Variants in SLF1 observed in about 807,000 individuals in gnomAD.
SLF1 encodes SMC5/6 complex localization factor 1.
A neutral mutation model predicts 123.0 loss-of-function variants in SLF1; 105 were observed. The ratio of observed to expected loss-of-function variants is 0.85; its 90% CI spans 0.73 to 1.00. The LOEUF is 1.00. Ranked by LOEUF, SLF1 falls within the 50% of genes least tolerant of loss-of-function variation. The pLI is 0.00. For synonymous variants in SLF1, 434 were observed against 406.6 expected, an observed-to-expected ratio of 1.07 and a Z score of -0.81; for missense variants, 1,239 against 1,223.0, an observed-to-expected ratio of 1.01 and a Z score of -0.20.
At chr5:94,679,501 A>T (rs1751510121) in intron 15 of SLF1, among the ~76,000 whole-genome samples, 1 of 152,024 alleles carries the variant, frequency 6.6e-6, no homozygotes, top group African/African-American at 2.4e-5. Context: ...CTGCAGTGGG[A>T]GGATCCCTTG....
intron 1 of SLF1, among the ~76,000 whole-genome samples, chr5:94,625,679 G>A (rs977977079): frequency 1.3e-5 from 2 of 151,906 alleles, no homozygotes; most frequent in Non-Finnish European, 2.9e-5. Flanking sequence ...CACCATGCCC[G>A]GCCAAGACCT....
intron 15 of SLF1, among the ~76,000 whole-genome samples, chr5:94,686,066 G>C (rs530754398): frequency 6.6e-6 from 1 of 151,612 alleles, no homozygotes; most frequent in Non-Finnish European, 1.5e-5. Flanking sequence ...TTTACCTTGT[G>C]CCTTTCCTCC....
intron 9 of SLF1, 108 bp downstream of exon 9, chr5:94,654,860 T>C: frequency 2.4e-6 from 2 of 829,644 alleles, no homozygotes; most frequent in Non-Finnish European, 3.2e-6. Flanking sequence ...GTATGTTTAA[T>C]ATGTCTTAAA....
chr5:94,688,754 G>T (rs1752735867), intron 17 of SLF1, 85 bp downstream of exon 17: 1 of 1,452,056 alleles, frequency 6.9e-7, no homozygotes, highest in Admixed American at 1.9e-5. Flanking sequence ...ATGGTTATCT[G>T]TGATACTGTC....
chr5:94,662,458 A>G, intron 10 of SLF1, 107 bp downstream of exon 10: 1 of 856,512 alleles, frequency 1.2e-6, no homozygotes, highest in South Asian at 2.9e-5. Flanking sequence ...AATAAAAGGT[A>G]ACGTATTATA....
intron 11 of SLF1, 113 bp from the exon 12 acceptor site, chr5:94,665,748 G>A (rs748976609): frequency 1.0e-5 from 10 of 971,056 alleles, no homozygotes; most frequent in Admixed American, 8.0e-5. Context: ...GCCAGACTCC[G>A]TCTCAAAAAA....
chr5:94,634,584 A>G (rs1473310956), intron 4 of SLF1, among the ~76,000 whole-genome samples: 2 of 152,120 alleles, frequency 1.3e-5, no homozygotes, highest in East Asian at 3.8e-4. Context: ...ATTGATGTAC[A>G]CTTTAGGTTG....
At chr5:94,635,043 T>C (rs537010310) in intron 4 of SLF1, among the ~76,000 whole-genome samples, 1 of 152,206 alleles carries the variant, frequency 6.6e-6, no homozygotes, top group East Asian at 1.9e-4. Flanking sequence ...TTTAGTTTTA[T>C]GTAACCTCAC....
intron 9 of SLF1, among the ~76,000 whole-genome samples, chr5:94,655,920 A>G (rs1005578326): frequency 6.6e-6 from 1 of 151,930 alleles, no homozygotes; most frequent in Non-Finnish European, 1.5e-5. Flanking sequence ...TACTTTTCCA[A>G]TTTGGATGCC....
intron 5 of SLF1, among the ~76,000 whole-genome samples, chr5:94,643,986 A>G (rs1169582782): frequency 1.3e-5 from 2 of 152,170 alleles, no homozygotes; most frequent in African/African-American, 2.4e-5. Context: ...CCCATCTCGT[A>G]GATACCATTA....
At chr5:94,626,999 G>A (rs1222582112) in intron 1 of SLF1, among the ~76,000 whole-genome samples, 2 of 152,092 alleles carry the variant, frequency 1.3e-5, no homozygotes, top group Admixed American at 1.3e-4. Context: ...AGATTATATT[G>A]AGACTTTCTT....
Position 94,651,405 on chromosome 5 carries a change from T to C in SLF1, c.739-297T>C, listed in dbSNP as rs76093202. Among the ~76,000 whole-genome samples, 588 of 152,330 alleles carry C rather than the reference T, an allele frequency of 3.9e-3. 3 individuals carry two copies. Among genetic ancestry groups the C allele is most frequent in the African/African-American group, 0.014 (568 of 41,578 alleles). On this transcript the variant is annotated intron_variant, in intron 6 of 20. Coordinates refer to ENST00000265140, the MANE Select transcript of SLF1 (RefSeq NM_032290.4). ...AAGTAGAAATATCCTTTTTTAAAAATAGCTATTTTGGTATAATGATTAAAC... is the reference window on the plus strand; with the variant it reads ...AAGTAGAAATATCCTTTTTTAAAAACAGCTATTTTGGTATAATGATTAAAC...
chr5:94,683,882 A>C (rs1487307020), intron 15 of SLF1, among the ~76,000 whole-genome samples: 1 of 152,218 alleles, frequency 6.6e-6, no homozygotes, highest in Non-Finnish European at 1.5e-5. Flanking sequence ...CAAATACTAA[A>C]TGTTTACTCT....
Position 94,653,339 on chromosome 5 carries a change from G to C in SLF1, c.950G>C (p.Gly317Ala). ...SYTLRRKRKK[G>A]KESNCKKGVE... ...ACTTTGAGGAGAAAACGCAAGAAAG[G>C]AAAAGAAAGCAATTGCAAGAAAGGC... The change falls in exon 8 of 21, where the codon GGA (glycine) becomes GCA (alanine). Residue 317 changes from glycine (G) to alanine (A), a missense_variant. Gly to Ala is a moderately conservative substitution (Grantham distance 60). Coordinates refer to ENST00000265140, the MANE Select transcript of SLF1 (RefSeq NM_032290.4). The C allele has an allele frequency of 6.6e-7, 1 of 1,525,822 alleles. No individual in the cohort carries two copies. Among genetic ancestry groups the C allele is most frequent in the Non-Finnish European group, 8.8e-7 (1 of 1,139,152 alleles). The allele number at this position is 1,525,822 out of a possible 1,614,324, so 94.5% of individuals were successfully genotyped here. A position where few individuals can be genotyped will look rare whatever the true frequency, so the allele number is the denominator to read the frequency against.
At chr5:94,673,163 C>G (rs901590417) in intron 14 of SLF1, among the ~76,000 whole-genome samples, 1 of 148,070 alleles carries the variant, frequency 6.8e-6, no homozygotes, top group Non-Finnish European at 1.5e-5. Context: ...TTTTTTTAAT[C>G]TTTTCTTCCC....
chr5:94,651,885 A>G (rs1747764901), intron 7 of SLF1, 40 bp downstream of exon 7: 2 of 1,070,232 alleles, frequency 1.9e-6, no homozygotes, highest in Non-Finnish European at 2.5e-6. Context: ...TTTTTAATAT[A>G]TATAGTGTTT....
At chr5:94,644,132 C>T (rs1255785819) in intron 5 of SLF1, among the ~76,000 whole-genome samples, 2 of 152,122 alleles carry the variant, frequency 1.3e-5, no homozygotes, top group Admixed American at 6.6e-5. Flanking sequence ...CCACTTCTCT[C>T]TTTCTGTACT....
chr5:94,691,291 G>T lies in SLF1; in HGVS notation c.2420-273G>T, dbSNP rs1753027179. ...GATTGAAGCTTTAAACCTTGAACTA[G>T]GGGAGACAATGCCTGTGTTAAACCT... is the stretch of plus-strand genomic sequence containing the variant. On this transcript the variant is annotated intron_variant, in intron 18 of 20. Coordinates refer to ENST00000265140, the MANE Select transcript of SLF1 (RefSeq NM_032290.4). 8.3e-6 allele frequency: 3 copies of T among 361,900 alleles called. No individual in the cohort carries two copies. In the South Asian group the frequency reaches 1.2e-4, roughly 14 times the overall value. The allele number at this position is 361,900 out of a possible 1,614,324, so 22.4% of individuals were successfully genotyped here.
chr5:94,638,460 G>A (rs1746064654), intron 4 of SLF1, among the ~76,000 whole-genome samples: 1 of 152,138 alleles, frequency 6.6e-6, no homozygotes, highest in African/African-American at 2.4e-5. Flanking sequence ...TTACAGGCGT[G>A]AGCCACCACG....
Sources: gnomAD v4.1 joint callset for allele counts (sites outside exome capture counted in the v4.1 genomes callset) on GRCh38, gnomAD v4.1.1 for gene constraint, MANE v1.5 for transcripts, NCBI Gene and HGNC (gene_info 2026-07-23, HGNC 2026-07-21) for gene names.